Variants in SANBR observed in about 807,000 individuals in gnomAD.
The protein encoded by SANBR is SANT and BTB domain regulator of CSR, also known as SANT and BTB domain regulator of class switch recombination.
Under a neutral mutation model 101.8 loss-of-function variants are expected in SANBR, and 77 were observed. The observed-to-expected ratio is 0.76, with a 90% CI of 0.63 to 0.91. SANBR has a LOEUF of 0.91. Among genes scored for constraint, SANBR ranks in the 40% least tolerant of loss-of-function variants. The pLI, the probability that SANBR is intolerant of heterozygous loss-of-function variation, is 0.00. For synonymous variants in SANBR, 279 were observed against 274.7 expected, an observed-to-expected ratio of 1.02 and a Z score of -0.15; for missense variants, 875 against 853.0, an observed-to-expected ratio of 1.03 and a Z score of -0.32.
chr2:61,104,591 C>T (rs1683462954), intron 13 of SANBR, among the ~76,000 whole-genome samples: 1 of 152,066 alleles, frequency 6.6e-6, no homozygotes, highest in Non-Finnish European at 1.5e-5. Context: ...CCCTCTCAAC[C>T]AATTGATCAA....
chr2:61,121,517 C>G, intron 21 of SANBR: 1 of 332,226 alleles, frequency 3.0e-6, no homozygotes, highest in East Asian at 6.4e-5. Flanking sequence ...TCATTCTGAG[C>G]CAACTCCTGA....
chr2:61,084,293 C>A (rs890068403), intron 8 of SANBR, among the ~76,000 whole-genome samples: 2 of 152,078 alleles, frequency 1.3e-5, no homozygotes, highest in African/African-American at 4.8e-5. Context: ...AAATATATTT[C>A]TATTTTTAAA....
intron 6 of SANBR, among the ~76,000 whole-genome samples, chr2:61,079,852 A>G (rs1264661338): frequency 6.6e-6 from 1 of 151,250 alleles, no homozygotes; most frequent in African/African-American, 2.4e-5. Flanking sequence ...GTGAGCAGAG[A>G]TTGCGCCACT....
intron 21 of SANBR, among the ~76,000 whole-genome samples, chr2:61,135,275 A>G (rs1157222194): frequency 2.6e-5 from 4 of 152,378 alleles, no homozygotes; most frequent in African/African-American, 9.6e-5. Context: ...ATATATCACG[A>G]ACAAGTACTT....
rs575477542 is a variant in SANBR at position 61,102,829 on chromosome 2, C to G, written c.1366-1024C>G. On this transcript the variant is annotated intron_variant, in intron 12 of 21. Coordinates refer to ENST00000402291, the MANE Select transcript of SANBR (RefSeq NM_001129993.3). ...CTGTGATTACAGGCATGAGCCACCA[C>G]GCCGAGCCAGAATGACTAAAATTTA... Among the ~76,000 whole-genome samples the G allele has an allele frequency of 3.6e-4, 55 of 152,090 alleles. No individual in the cohort carries two copies. In the South Asian group the frequency reaches 0.011, roughly 30 times the overall value.
intron 7 of SANBR, among the ~76,000 whole-genome samples, chr2:61,082,715 A>C (rs927213598): frequency 3.3e-5 from 5 of 152,154 alleles, no homozygotes; most frequent in Non-Finnish European, 7.3e-5. Context: ...GCTACTAGGG[A>C]TGCTGAGGCA....
At chr2:61,105,331 A>C (rs891894063) in intron 13 of SANBR, among the ~76,000 whole-genome samples, 14 of 151,642 alleles carry the variant, frequency 9.2e-5, no homozygotes, top group Non-Finnish European at 1.9e-4. Flanking sequence ...GTGCCACTGC[A>C]TTCCAGCCTG....
At chr2:61,128,739 C>T (rs1684590175), downstream of SANBR, among the ~76,000 whole-genome samples, 1 of 152,144 alleles carries the variant, frequency 6.6e-6, no homozygotes, top group Admixed American at 6.5e-5. Flanking sequence ...GGTGATCCGT[C>T]TGCCTCGGCC....
intron 11 of SANBR, chr2:61,094,007 T>G: frequency 1.3e-6 from 1 of 757,426 alleles, no homozygotes; most frequent in Non-Finnish European, 1.6e-6. Flanking sequence ...CCAGTAATTT[T>G]CCTCTGTCAC....
Position 61,122,498 on chromosome 2 carries a change from A to G in SANBR, c.*336A>G. On this transcript the variant is annotated 3_prime_UTR_variant, in exon 22 of 22. Coordinates refer to ENST00000402291, the MANE Select transcript of SANBR (RefSeq NM_001129993.3). ...ACTGTCAGGTAGCCAAGTTTTTTTA[A>G]GACCTTAAAAGTTAGGGGAACACAA... The G allele has an allele frequency of 1.9e-6, 2 of 1,031,578 alleles. No individual in the cohort carries two copies. The highest frequency in any genetic ancestry group is 2.3e-6 in the Non-Finnish European group (2 of 860,254). The allele number at this position is 1,031,578 out of a possible 1,614,324, so 63.9% of individuals were successfully genotyped here.
At chr2:61,117,931 AT>A (rs1684152421) in intron 19 of SANBR, 96 bp from the exon 20 acceptor site, 1 of 872,710 alleles carries the variant, frequency 1.1e-6, no homozygotes, top group African/African-American at 1.7e-5. Flanking sequence ...ATCAAAGGAT[AT>A]TTTCATAAAC....
chr2:61,087,242 G>T (rs1370966910), intron 8 of SANBR, among the ~76,000 whole-genome samples: 3 of 152,090 alleles, frequency 2.0e-5, no homozygotes, highest in African/African-American at 7.2e-5. Context: ...AATCTTTAAT[G>T]TTGCATATTC....
chr2:61,091,600 A>G (rs1254128566), intron 10 of SANBR, among the ~76,000 whole-genome samples: 3 of 124,540 alleles, frequency 2.4e-5, no homozygotes, highest in Non-Finnish European at 1.6e-5. Context: ...GTCCAAAAAA[A>G]AAAAAAAAAA....
intron 5 of SANBR, among the ~76,000 whole-genome samples, chr2:61,074,555 T>G (rs1681656756): frequency 6.6e-6 from 1 of 152,150 alleles, no homozygotes; most frequent in South Asian, 2.1e-4. Flanking sequence ...ACTACAGGTG[T>G]GTGCCACCGT....
At chr2:61,094,833 T>C (rs760419716) in intron 11 of SANBR, among the ~76,000 whole-genome samples, 1 of 152,056 alleles carries the variant, frequency 6.6e-6, no homozygotes, top group Non-Finnish European at 1.5e-5. Flanking sequence ...TTAGTAGAAA[T>C]GGGGTTTCAC....
chr2:61,073,031 G>C (rs887844630), intron 4 of SANBR, among the ~76,000 whole-genome samples: 3 of 151,776 alleles, frequency 2.0e-5, no homozygotes, highest in Non-Finnish European at 2.9e-5. Context: ...AGCTTCAACT[G>C]ACACAGTAGT....
intron 17 of SANBR, chr2:61,117,100 A>C (rs919898448): frequency 8.2e-6 from 4 of 490,762 alleles, no homozygotes; most frequent in Non-Finnish European, 1.5e-5. Flanking sequence ...CAAGGTTAAC[A>C]AATGAAGCTG....
intron 4 of SANBR, 44 bp from the exon 5 acceptor site, chr2:61,073,414 C>A: frequency 1.0e-6 from 1 of 975,316 alleles, no homozygotes; most frequent in South Asian, 1.6e-5. Context: ...GAAACACTAA[C>A]CCCCACCTTT....
intron 6 of SANBR, among the ~76,000 whole-genome samples, chr2:61,077,598 A>T (rs888682829): frequency 4.6e-5 from 7 of 152,086 alleles, no homozygotes; most frequent in Non-Finnish European, 8.8e-5. Context: ...GAAAAAAAAA[A>T]AGAAAAGAAA....
Sources: gnomAD v4.1 joint callset for allele counts (sites outside exome capture counted in the v4.1 genomes callset) on GRCh38, gnomAD v4.1.1 for gene constraint, MANE v1.5 for transcripts, NCBI Gene and HGNC (gene_info 2026-07-23, HGNC 2026-07-21) for gene names.